POC5: variants seen among roughly 807,000 people sequenced by gnomAD.
The protein encoded by POC5 is POC5 centriolar protein, also known as centrosomal protein POC5.
Under a neutral mutation model 62.9 loss-of-function variants are expected in POC5, and 48 were observed. That is an observed-to-expected ratio of 0.76 (90% CI 0.61 to 0.97). The LOEUF is 0.97. Among genes scored for constraint, POC5 ranks in the 50% least tolerant of loss-of-function variants. The pLI, the probability that POC5 is intolerant of heterozygous loss-of-function variation, is 0.00. For missense variants in POC5, 696 were observed against 679.5 expected (o/e 1.02, Z -0.27); for synonymous variants, 236 against 228.2 (o/e 1.03, Z -0.31).
chr5:75,709,224 GAAGAGA>G (rs2041995454), intron 2 of POC5, among the ~76,000 whole-genome samples: 1 of 152,198 alleles, frequency 6.6e-6, no homozygotes, highest in South Asian at 2.1e-4. Context: ...GACAGAAGAG[GAAGAGA>G]GAGATATTTC....
chr5:75,676,244 CTA>C (rs1450354785), intron 11 of POC5, among the ~76,000 whole-genome samples: 27 of 152,362 alleles, frequency 1.8e-4, no homozygotes, highest in African/African-American at 6.5e-4. Flanking sequence ...CTCACCATCT[CTA>C]TACATTTTCT....
At chr5:75,705,940 G>A (rs1777100323) in intron 3 of POC5, among the ~76,000 whole-genome samples, 153 bp from the exon 4 acceptor site, 1 of 152,112 alleles carries the variant, frequency 6.6e-6, no homozygotes, top group Non-Finnish European at 1.5e-5. Flanking sequence ...CAAAGGACAA[G>A]AACAGATAAA....
chr5:75,677,158 T>C (rs1274686217), intron 11 of POC5, among the ~76,000 whole-genome samples: 2 of 152,216 alleles, frequency 1.3e-5, no homozygotes, highest in Non-Finnish European at 1.5e-5. Context: ...GAGGCTCAAA[T>C]ATTTTACTTG....
At position 75,716,386 on chromosome 5, in the gene POC5, G is replaced by GC. The variant is rs1742562560; in HGVS notation, c.-15+919_-15+920insG. The stretch of plus-strand genomic sequence containing the variant: ...GAGACCAGGCAGGTAACAGGGGTGG[G>GC]GGGGGGGGGGTGCTGATTATTTAAA... On this transcript the variant is annotated intron_variant, in intron 1 of 11. Transcript: ENST00000428202. 2.1e-4 allele frequency among the ~76,000 whole-genome samples: 11 copies of GC among 53,444 alleles called. No homozygotes were observed. The South Asian group carries it at 9.0e-3, about 44-fold the overall frequency. 35.1% of individuals were successfully genotyped at this position (53,444 alleles called of 152,430 possible).
intron 11 of POC5, 106 bp from the exon 12 acceptor site, chr5:75,674,684 T>A: frequency 7.2e-7 from 1 of 1,398,122 alleles, no homozygotes; most frequent in Non-Finnish European, 9.8e-7. Flanking sequence ...TTTGTTAAGA[T>A]CCAGTAGAAA....
At chr5:75,697,975 C>A (rs375574520) in intron 5 of POC5, among the ~76,000 whole-genome samples, 21,940 of 127,748 alleles carry the variant, frequency 0.17, 1,826 homozygotes, top group South Asian at 0.21. Context: ...CAAAGAAGGC[C>A]ATTACATAAT....
At chr5:75,706,496 G>C (rs1018793810) in intron 3 of POC5, among the ~76,000 whole-genome samples, 1 of 151,890 alleles carries the variant, frequency 6.6e-6, no homozygotes, top group Non-Finnish European at 1.5e-5. Context: ...TCTTACATAA[G>C]AGAAAAGAAC....
intron 10 of POC5, among the ~76,000 whole-genome samples, chr5:75,684,695 C>A (rs913393484): frequency 6.6e-6 from 1 of 151,934 alleles, no homozygotes; most frequent in African/African-American, 2.4e-5. Flanking sequence ...TAAAAAAGTT[C>A]TTTGTCTTAA....
chr5:75,678,784 T>A (rs1221679231), intron 10 of POC5, among the ~76,000 whole-genome samples: 1 of 152,168 alleles, frequency 6.6e-6, no homozygotes, highest in Admixed American at 6.5e-5. Context: ...AATGGAACGA[T>A]CATATCAAAA....
chr5:75,707,064 T>A (rs534035526), intron 3 of POC5, among the ~76,000 whole-genome samples: 1 of 152,376 alleles, frequency 6.6e-6, no homozygotes, highest in East Asian at 1.9e-4. Flanking sequence ...TATAGTGTGA[T>A]AACTGGTCCT....
At chr5:75,709,298 C>A (rs1454238506) in intron 2 of POC5, among the ~76,000 whole-genome samples, 1 of 152,064 alleles carries the variant, frequency 6.6e-6, no homozygotes, top group Non-Finnish European at 1.5e-5. Context: ...TATAATCAAC[C>A]ATTTTTGTTA....
intron 10 of POC5, among the ~76,000 whole-genome samples, chr5:75,682,517 C>CTTTTTTTT (rs3041691): frequency 7.4e-6 from 1 of 134,684 alleles, no homozygotes; most frequent in Non-Finnish European, 1.6e-5. Flanking sequence ...TTATTTCTTT[C>CTTTTTTTT]TTTTTTTTTT....
chr5:75,712,951 T>C lies in POC5; in HGVS notation c.-14A>G. 6.3e-7 allele frequency: 1 copy of C among 1,594,364 alleles called. No individual in the cohort carries two copies. The highest frequency in any genetic ancestry group is 8.5e-7 in the Non-Finnish European group (1 of 1,169,626). On this transcript the variant is annotated splice_region_variant and 5_prime_UTR_variant, in exon 2 of 12. Transcript: ENST00000428202. ...ATCTGATGACATTCTGCACAAATGCTCTAAAACAGTAGAAGCTAACTTTAG... is the reference window on the plus strand; with the variant it reads ...ATCTGATGACATTCTGCACAAATGCCCTAAAACAGTAGAAGCTAACTTTAG...
At chr5:75,693,779 C>T (rs538365346) in intron 6 of POC5, among the ~76,000 whole-genome samples, 3 of 152,278 alleles carry the variant, frequency 2.0e-5, no homozygotes, top group African/African-American at 4.8e-5. Context: ...CAACACCACT[C>T]TCCTATCCAT....
chr5:75,694,981 T>C lies in POC5; in HGVS notation c.514-150A>G, dbSNP rs1222618127. On this transcript the variant is annotated intron_variant, in intron 5 of 11. Transcript: ENST00000428202. ...TTGGAACACATTAATGAAAAACATA[T>C]GTAAGTTCAACAGTCACAGGTCTGT... 1.4e-5 allele frequency: 8 copies of C among 591,768 alleles called. No homozygotes were observed. The East Asian group carries it at 2.5e-4, about 18-fold the overall frequency. The allele number at this position is 591,768 out of a possible 1,614,324, so 36.7% of individuals were successfully genotyped here.
chr5:75,674,651 T>C (rs1775585457), intron 11 of POC5, 73 bp from the exon 12 acceptor site: 7 of 1,508,396 alleles, frequency 4.6e-6, no homozygotes. Flanking sequence ...TCATCTATCA[T>C]CTATAATTTA....
intron 1 of POC5, among the ~76,000 whole-genome samples, chr5:75,713,768 G>A (rs1350166762): frequency 6.6e-6 from 1 of 152,224 alleles, no homozygotes; most frequent in African/African-American, 2.4e-5. Context: ...TCTGAAAGAT[G>A]AGTAGGTCTC....
chr5:75,692,609 C>A, intron 6 of POC5, 109 bp from the exon 7 acceptor site: 1 of 600,830 alleles, frequency 1.7e-6, no homozygotes. Context: ...TGGATCACTA[C>A]TATATTCATT....
chr5:75,674,747 A>T lies in POC5; in HGVS notation c.1585-169T>A, dbSNP rs78625280. 3.9e-3 allele frequency among the ~76,000 whole-genome samples: 600 copies of T among 152,318 alleles called. 31 individuals carry two copies. In the East Asian group the frequency reaches 0.07, roughly 18 times the overall value. The stretch of plus-strand genomic sequence containing the variant: ...TTAATTAGATGAGGCCTTTGTCTGT[A>T]AGGAACCCCTACCCAGTCTGACTGA... On this transcript the variant is annotated intron_variant, in intron 11 of 11. Coordinates refer to ENST00000428202, the MANE Select transcript of POC5 (RefSeq NM_001099271.2).
Sources: gnomAD v4.1 joint callset for allele counts (sites outside exome capture counted in the v4.1 genomes callset) on GRCh38, gnomAD v4.1.1 for gene constraint, MANE v1.5 for transcripts, NCBI Gene and HGNC (gene_info 2026-07-23, HGNC 2026-07-21) for gene names.